Variants in EVC observed in about 807,000 individuals in gnomAD.
EVC encodes evC complex member EVC.
EVC carries 116 observed loss-of-function variants against 118.9 expected under a neutral mutation model. The ratio of observed to expected loss-of-function variants is 0.98; its 90% CI spans 0.84 to 1.14. The LOEUF is 1.14. Ranked by LOEUF, EVC falls within the 50% of genes most tolerant of loss-of-function variation. The pLI is 0.00. For missense variants in EVC, 1,401 were observed against 1,246.4 expected, an observed-to-expected ratio of 1.12 and a Z score of -1.87; for synonymous variants, 619 against 534.7, an observed-to-expected ratio of 1.16 and a Z score of -2.18.
intron 11 of EVC, among the ~76,000 whole-genome samples, chr4:5,766,519 T>A (rs1732889930): frequency 8.0e-6 from 1 of 124,266 alleles, no homozygotes; most frequent in Non-Finnish European, 1.7e-5. Context: ...GGTTCCATTC[T>A]CCCCATCACT....
chr4:5,795,541 A>G (rs1352572120), intron 13 of EVC, among the ~76,000 whole-genome samples: 1 of 152,210 alleles, frequency 6.6e-6, no homozygotes, highest in Admixed American at 6.5e-5. Context: ...AATCCCAGCT[A>G]CTTGGGAGAC....
chr4:5,725,371 C>A (rs1725644139), intron 2 of EVC, among the ~76,000 whole-genome samples: 1 of 152,182 alleles, frequency 6.6e-6, no homozygotes, highest in Non-Finnish European at 1.5e-5. Context: ...TTCTCCACAG[C>A]CTCACCAGCA....
At chr4:5,808,135 C>CGG in intron 17 of EVC, 66 bp from the exon 18 acceptor site, 1 of 515,902 alleles carries the variant, frequency 1.9e-6, no homozygotes. Context: ...TTCCTTCTCC[C>CGG]TCCCTCCCTC....
chr4:5,805,730 T>C (rs1715763786), intron 17 of EVC, among the ~76,000 whole-genome samples: 1 of 152,040 alleles, frequency 6.6e-6, no homozygotes, highest in South Asian at 2.1e-4. Flanking sequence ...AGAAGGAGCC[T>C]CAGCAGCCAG....
chr4:5,805,558 G>A (rs976008200), intron 17 of EVC, among the ~76,000 whole-genome samples: 5 of 152,200 alleles, frequency 3.3e-5, no homozygotes, highest in East Asian at 1.9e-4. Context: ...AGCATCACTC[G>A]GCTTTCCTGC....
Position 5,737,600 on chromosome 4 carries a change from C to A in EVC, c.703-4116C>A, listed in dbSNP as rs752631704. Among the ~76,000 whole-genome samples the A allele has an allele frequency of 4.6e-5, 7 of 152,184 alleles. No individual in the cohort carries two copies. Among genetic ancestry groups the A allele is most frequent in the Admixed American group, 6.5e-5 (1 of 15,270 alleles). On this transcript the variant is annotated intron_variant, in intron 5 of 20. Transcript: ENST00000264956. The surrounding 1 kb of genome is among the most constrained non-coding windows in gnomAD (Gnocchi z 5.0). Reference sequence around the variant, plus strand: ...GTGCTCATGCACCACTCCGAAAGTCCTAGGGCCCTTAAGGGTGATGCTAAA... The same window carrying A: ...GTGCTCATGCACCACTCCGAAAGTCATAGGGCCCTTAAGGGTGATGCTAAA...
In EVC at chr4:5,737,142, A is replaced by G. The variant is rs1727820042; in HGVS notation, c.702+3707A>G. On this transcript the variant is annotated intron_variant, in intron 5 of 20. Transcript: ENST00000264956. The surrounding 1 kb of genome is among the most constrained non-coding windows in gnomAD (Gnocchi z 5.0). Reference sequence around the variant, plus strand: ...AAAGTCTGAGTGGTCTGCATAGAAGATCAAACCAGACACAACATCCCCTTA... The same window carrying G: ...AAAGTCTGAGTGGTCTGCATAGAAGGTCAAACCAGACACAACATCCCCTTA... Among the ~76,000 whole-genome samples, 2 of 152,244 alleles carry G rather than the reference A, an allele frequency of 1.3e-5. No homozygotes were observed. Among genetic ancestry groups the G allele is most frequent in the African/African-American group, 2.4e-5 (1 of 41,472 alleles).
chr4:5,753,019 G>C lies in EVC; in HGVS notation c.1282G>C (p.Ala428Pro). The C allele has an allele frequency of 6.2e-7, 1 of 1,610,064 alleles. No individual in the cohort carries two copies. The change falls in exon 9 of 21, where the codon GCC becomes CCC. Residue 428 changes from alanine (A) to proline (P), a missense_variant. Physicochemically the swap from Ala to Pro is conservative, Grantham distance 27. Transcript: ENST00000264956. ...GGAGCTGCTCACGCAGCAGCACAAGGCCTTCTGGCAGGAGGCAGAGCGCTT... is the reference window on the plus strand; with the variant it reads ...GGAGCTGCTCACGCAGCAGCACAAGCCCTTCTGGCAGGAGGCAGAGCGCTT... ...KEELLTQQHK[A>P]FWQEAERFSR... is the part of the protein sequence containing the mutation.
intron 4 of EVC, among the ~76,000 whole-genome samples, chr4:5,732,180 G>A (rs533731740): frequency 2.6e-5 from 4 of 152,298 alleles, no homozygotes; most frequent in South Asian, 2.1e-4. Context: ...TCACACAGCC[G>A]TGAGTGACGG....
At position 5,749,721 on chromosome 4, in the gene EVC, C is replaced by T. The variant is rs116151699; in HGVS notation, c.1098+1415C>T. ...TGATGCTGCCCTGCACCCATTTCCC[C>T]GTCCTGTGCACCAGCCCGTGTGGCA... On this transcript the variant is annotated intron_variant, in intron 8 of 20. Coordinates refer to ENST00000264956, the MANE Select transcript of EVC (RefSeq NM_153717.3). The surrounding 1 kb of genome is among the most constrained non-coding windows in gnomAD (Gnocchi z 4.4). Among the ~76,000 whole-genome samples, 1,460 of 152,262 alleles carry T rather than the reference C, an allele frequency of 9.6e-3. 30 individuals carry two copies. Among genetic ancestry groups the T allele is most frequent in the African/African-American group, 0.033 (1,351 of 41,538 alleles).
chr4:5,711,595 G>GGGCGCGT (rs1723034057), intron 1 of EVC, 41 bp downstream of exon 1: 3 of 1,164,978 alleles, frequency 2.6e-6, no homozygotes, highest in Non-Finnish European at 3.2e-6. Flanking sequence ...GGGGAGCGCG[G>GGGCGCGT]GGCGCGTGGC....
At chr4:5,828,976 A>G in the EVC span, among the ~76,000 whole-genome samples, 1 of 152,188 alleles carries the variant, frequency 6.6e-6, no homozygotes, top group Non-Finnish European at 1.5e-5. Flanking sequence ...TGTACTGGAC[A>G]TAAAAATAAG....
chr4:5,745,067 A>T lies in EVC; in HGVS notation c.802-137A>T. ...AAATGGGTCAAACCTCATGTACAAC[A>T]ACCCCCAGAGCATTTAACTATTGTT... On this transcript the variant is annotated intron_variant, in intron 6 of 20. Coordinates refer to ENST00000264956, the MANE Select transcript of EVC (RefSeq NM_153717.3). 3 of 821,906 alleles carry T rather than the reference A, an allele frequency of 3.7e-6. No individual in the cohort carries two copies. In the South Asian group the frequency reaches 5.4e-5, roughly 15 times the overall value. 50.9% of individuals were successfully genotyped at this position (821,906 alleles called of 1,614,324 possible). A position where few individuals can be genotyped will look rare whatever the true frequency, so the allele number is the denominator to read the frequency against.
chr4:5,759,945 G>A lies in EVC; in HGVS notation c.1563+3583G>A, dbSNP rs577012808. ...GTACATGTAAGAAGTACATTGGTTCGGTCAGGAAAGGTGGGACAACTTGAA... is the reference window on the plus strand; with the variant it reads ...GTACATGTAAGAAGTACATTGGTTCAGTCAGGAAAGGTGGGACAACTTGAA... On this transcript the variant is annotated intron_variant, in intron 11 of 20. Transcript: ENST00000264956. Among the ~76,000 whole-genome samples, 40 of 151,152 alleles carry A rather than the reference G, an allele frequency of 2.6e-4. 1 individual carries two copies. The highest frequency in any genetic ancestry group is 8.9e-4 in the African/African-American group (36 of 40,460).
At chr4:5,791,137 T>G (rs1712705834) in intron 12 of EVC, among the ~76,000 whole-genome samples, 1 of 152,230 alleles carries the variant, frequency 6.6e-6, no homozygotes, top group East Asian at 1.9e-4. Context: ...AACAGAAATC[T>G]AATTGGATTA....
At chr4:5,723,358 T>C (rs1577336006) in intron 2 of EVC, among the ~76,000 whole-genome samples, 1 of 151,798 alleles carries the variant, frequency 6.6e-6, no homozygotes, top group Non-Finnish European at 1.5e-5. Context: ...CCCAGCTAAT[T>C]TGTGTATTTT....
In EVC at chr4:5,743,317, C is replaced by G. The variant is rs1257425902; in HGVS notation, c.801+1503C>G. Among the ~76,000 whole-genome samples the G allele has an allele frequency of 6.6e-6, 1 of 152,172 alleles. No homozygotes were observed. The highest frequency in any genetic ancestry group is 1.5e-5 in the Non-Finnish European group (1 of 68,028). On this transcript the variant is annotated intron_variant, in intron 6 of 20. Transcript: ENST00000264956. This position sits in a 1 kb window ranked among gnomAD's most constrained non-coding sequence, Gnocchi z 4.7. ...AAGTCCTGCCAGTCTCCTACCTCAC[C>G]TTATCCTCACCATCATTGTCATCAT...
chr4:5,787,078 CAGTG>C (rs1711801879), intron 12 of EVC, among the ~76,000 whole-genome samples: 1 of 152,180 alleles, frequency 6.6e-6, no homozygotes. Flanking sequence ...TCCAAAAAGA[CAGTG>C]GGTCGTTTCA....
rs56687765 is a variant in EVC at position 5,763,276 on chromosome 4, A to C, written c.1563+6914A>C. On this transcript the variant is annotated intron_variant, in intron 11 of 20. Coordinates refer to ENST00000264956, the MANE Select transcript of EVC (RefSeq NM_153717.3). ...CATTGATCTATATCTGTTTTGGTAC[A>C]ATTACCATGCTGTTTTGGTTACTGT... 7.3e-3 allele frequency among the ~76,000 whole-genome samples: 1,038 copies of C among 143,034 alleles called. 7 individuals are homozygous for C. The highest frequency in any genetic ancestry group is 0.026 in the African/African-American group (960 of 36,818). 93.8% of individuals were successfully genotyped at this position (143,034 alleles called of 152,430 possible).
Sources: gnomAD v4.1 joint callset for allele counts (sites outside exome capture counted in the v4.1 genomes callset) on GRCh38, gnomAD v4.1.1 for gene constraint, Gnocchi (gnomAD v3.1) non-coding constraint, MANE v1.5 for transcripts, NCBI Gene and HGNC (gene_info 2026-07-23, HGNC 2026-07-21) for gene names.